AKAP13: variants seen among roughly 807,000 people sequenced by gnomAD.
The protein encoded by AKAP13 is A-kinase anchor protein 13.
A neutral mutation model predicts 264.5 loss-of-function variants in AKAP13; 80 were observed. The ratio of observed to expected loss-of-function variants is 0.30; its 90% CI spans 0.25 to 0.36. The LOEUF is 0.36. Ranked by LOEUF, AKAP13 falls within the 10% of genes least tolerant of loss-of-function variation. The pLI, the probability that AKAP13 is intolerant of heterozygous loss-of-function variation, is 1.00. For synonymous variants in AKAP13, 1,380 were observed against 1,250.2 expected (o/e 1.10, Z -2.19); for missense variants, 3,712 against 3,435.2 (o/e 1.08, Z -2.01).
intron 1 of AKAP13, among the ~76,000 whole-genome samples, chr15:85,476,157 C>G (rs1470210175): frequency 1.3e-5 from 2 of 152,078 alleles, no homozygotes; most frequent in African/African-American, 4.8e-5. Context: ...GAGCATGGTG[C>G]ATGCATGTGA....
In AKAP13 at chr15:85,669,716, T is replaced by A; in HGVS notation, c.4993-6T>A. 1 of 1,597,856 alleles carries A rather than the reference T, an allele frequency of 6.3e-7. No individual in the cohort carries two copies. Among genetic ancestry groups the A allele is most frequent in the Non-Finnish European group, 8.6e-7 (1 of 1,165,390 alleles). ...ACAACGTGTTCTTCACTTTTTTACTTCACAGATATGTCACAGATCTAAGCA... is the reference window on the plus strand; with the variant it reads ...ACAACGTGTTCTTCACTTTTTTACTACACAGATATGTCACAGATCTAAGCA... On this transcript the variant is annotated splice_region_variant and splice_polypyrimidine_tract_variant and intron_variant, in intron 13 of 36. Coordinates refer to ENST00000394518, the MANE Select transcript of AKAP13 (RefSeq NM_007200.5).
chr15:85,742,165 T>G (rs932173118), intron 35 of AKAP13, among the ~76,000 whole-genome samples: 1 of 152,242 alleles, frequency 6.6e-6, no homozygotes, highest in Non-Finnish European at 1.5e-5. Context: ...TGGGGCATTT[T>G]GGCCAGGGCA....
In AKAP13 at chr15:85,476,440, G is replaced by A. The variant is rs537812274; in HGVS notation, c.-11-9270G>A. Among the ~76,000 whole-genome samples, 5 of 152,366 alleles carry A rather than the reference G, an allele frequency of 3.3e-5. No individual in the cohort carries two copies. The East Asian group carries it at 7.7e-4, about 23-fold the overall frequency. On this transcript the variant is annotated intron_variant, in intron 1 of 36. Coordinates refer to ENST00000394518, the MANE Select transcript of AKAP13 (RefSeq NM_007200.5). ...GTCCTGAGAGATGTGGTAGCTGAAT[G>A]TGATAGAAGGTTAGTGCTGAAAGGC...
chr15:85,415,611 C>T lies in AKAP13; in HGVS notation c.-12+34813C>T, dbSNP rs140894953. ...TGTCATGAACAGTGTCACCTGTACT[C>T]GGATCTATGAAAAAGTAGAATAAAA... On this transcript the variant is annotated intron_variant, in intron 1 of 36. Coordinates refer to ENST00000394518, the MANE Select transcript of AKAP13 (RefSeq NM_007200.5). 1.5e-4 allele frequency: 220 copies of T among 1,430,152 alleles called. 1 individual carries two copies. The African/African-American group carries it at 2.4e-3, about 16-fold the overall frequency. 88.6% of individuals were successfully genotyped at this position (1,430,152 alleles called of 1,614,324 possible).
intron 17 of AKAP13, among the ~76,000 whole-genome samples, chr15:85,703,059 T>G (rs1435729290): frequency 2.0e-5 from 3 of 152,226 alleles, no homozygotes; most frequent in African/African-American, 7.2e-5. Context: ...ACTTTTGTGG[T>G]AGGTTGTTTC....
intron 1 of AKAP13, among the ~76,000 whole-genome samples, chr15:85,393,829 G>A (rs911134618): frequency 9.9e-5 from 15 of 152,068 alleles, no homozygotes; most frequent in South Asian, 2.1e-4. Flanking sequence ...TCACTTTGAT[G>A]TAATTATATC....
chr15:85,443,358 A>G (rs768369211), intron 1 of AKAP13, among the ~76,000 whole-genome samples: 1 of 152,208 alleles, frequency 6.6e-6, no homozygotes, highest in Non-Finnish European at 1.5e-5. Context: ...CATTTCTTGA[A>G]TTGGATTGAT....
rs773599959 is a variant in AKAP13 at position 85,581,569 on chromosome 15, C to G, written c.3501C>G (p.His1167Gln). The G allele has an allele frequency of 6.2e-7, 1 of 1,614,150 alleles. No homozygotes were observed. The highest frequency in any genetic ancestry group is 8.5e-7 in the Non-Finnish European group (1 of 1,180,030). Reference sequence around the variant, plus strand: ...AAGGGAAGCTGGAGGGAGCAGACCACAGCTGTACCATGGGTGACGCTGAGG... The same window carrying G: ...AAGGGAAGCTGGAGGGAGCAGACCAGAGCTGTACCATGGGTGACGCTGAGG... ...WEKGKLEGAD[H>Q]SCTMGDAEEA... The change falls in exon 7 of 37, where the codon CAC (histidine) becomes CAG (glutamine). Residue 1167 changes from histidine (H) to glutamine (Q), a missense_variant. Physicochemically the swap from His to Gln is conservative, Grantham distance 24. This residue lies in a region of AKAP13 where 2,759 missense variants were observed against 2,411.7 expected (regional missense o/e 1.14). Coordinates refer to ENST00000394518, the MANE Select transcript of AKAP13 (RefSeq NM_007200.5).
Position 85,580,024 on chromosome 15 carries a change from T to G in AKAP13, c.1956T>G (p.Ile652Met), listed in dbSNP as rs1290269127. The G allele has an allele frequency of 1.2e-6, 2 of 1,614,048 alleles. No individual in the cohort carries two copies. The highest frequency in any genetic ancestry group is 1.7e-6 in the Non-Finnish European group (2 of 1,180,008). ...AQSQKGKSSP[I>M]CSTTGDDKLC... Reference sequence around the variant, plus strand: ...GCCAAAAGGGCAAATCCTCACCCATTTGTTCTACAACTGGAGACGATAAAC... The same window carrying G: ...GCCAAAAGGGCAAATCCTCACCCATGTGTTCTACAACTGGAGACGATAAAC... Residue 652 changes from isoleucine (I) to methionine (M), a missense_variant, in exon 7 of 37, where the codon ATT becomes ATG. Physicochemically the swap from Ile to Met is conservative, Grantham distance 10. Around this residue, in one of 3 missense-constraint regions of AKAP13, gnomAD observed 2,759 missense variants for 2,411.7 expected, o/e 1.14. Transcript: ENST00000394518.
At chr15:85,717,976 G>A in intron 21 of AKAP13, 31 bp from the exon 22 acceptor site, 1 of 1,606,056 alleles carries the variant, frequency 6.2e-7, no homozygotes, top group Non-Finnish European at 8.5e-7. Flanking sequence ...TCACAAACCT[G>A]ATTCTGATAT....
intron 1 of AKAP13, among the ~76,000 whole-genome samples, chr15:85,396,142 T>A (rs2071101114): frequency 1.3e-5 from 2 of 152,146 alleles, no homozygotes; most frequent in African/African-American, 2.4e-5. Flanking sequence ...TTTTCTAGCA[T>A]CAGTTTTAGT....
chr15:85,694,736 A>C (rs2085476297), intron 17 of AKAP13, among the ~76,000 whole-genome samples: 2 of 152,200 alleles, frequency 1.3e-5, no homozygotes, highest in Non-Finnish European at 2.9e-5. Context: ...CAGAGGTGAC[A>C]GTCTGGAGTT....
At chr15:85,680,798 C>A (rs376541911) in intron 14 of AKAP13, among the ~76,000 whole-genome samples, 3 of 152,022 alleles carry the variant, frequency 2.0e-5, no homozygotes, top group Admixed American at 1.3e-4. Flanking sequence ...GTTTCAAATG[C>A]GGGTAATCTG....
At chr15:85,577,366 T>A (rs2079049701) in intron 6 of AKAP13, among the ~76,000 whole-genome samples, 1 of 152,236 alleles carries the variant, frequency 6.6e-6, no homozygotes, top group South Asian at 2.1e-4. Flanking sequence ...AAAATAGATT[T>A]TAGGTGTTGA....
At chr15:85,562,703 T>C (rs1444673494) in intron 5 of AKAP13, among the ~76,000 whole-genome samples, 1 of 137,520 alleles carries the variant, frequency 7.3e-6, no homozygotes, top group Non-Finnish European at 1.6e-5. Flanking sequence ...TTTTTTTTTT[T>C]TTTTTTTTTG....
chr15:85,383,787 A>G (rs528000915), intron 1 of AKAP13, among the ~76,000 whole-genome samples: 1 of 152,310 alleles, frequency 6.6e-6, no homozygotes, highest in East Asian at 1.9e-4. Context: ...CAGTCATAAG[A>G]GGATATGAGT....
intron 17 of AKAP13, among the ~76,000 whole-genome samples, chr15:85,705,858 T>A (rs879418746): frequency 2.1e-5 from 3 of 142,352 alleles, no homozygotes; most frequent in Non-Finnish European, 4.6e-5. Context: ...ATTCGTAGTC[T>A]GTGTTTTATA....
chr15:85,620,892 C>T (rs2081155786), intron 8 of AKAP13, among the ~76,000 whole-genome samples: 1 of 152,164 alleles, frequency 6.6e-6, no homozygotes, highest in African/African-American at 2.4e-5. Context: ...GTAAGAACTC[C>T]TCCAGCCGGT....
intron 8 of AKAP13, among the ~76,000 whole-genome samples, chr15:85,594,875 A>C (rs911885077): frequency 1.3e-5 from 2 of 152,162 alleles, no homozygotes; most frequent in African/African-American, 2.4e-5. Flanking sequence ...AGAAGAGTAA[A>C]TGTGTACACT....
Sources: gnomAD v4.1 joint callset for allele counts (sites outside exome capture counted in the v4.1 genomes callset) on GRCh38, gnomAD v4.1.1 for gene constraint, gnomAD v4.1.1 regional missense constraint, MANE v1.5 for transcripts, NCBI Gene and HGNC (gene_info 2026-07-23, HGNC 2026-07-21) for gene names.